The following EML5 variants were observed in gnomAD, a reference collection of about 807,000 sequenced individuals.
EML5 encodes the protein EMAP like 5.
EML5 carries 120 observed loss-of-function variants against 250.0 expected under a neutral mutation model. That is an observed-to-expected ratio of 0.48 (90% confidence interval 0.41 to 0.56). The LOEUF (loss-of-function observed/expected upper bound fraction) is 0.56, where lower values mean the gene tolerates loss of function less well. EML5 is among the 20% of genes least tolerant of loss of function. The probability of loss-of-function intolerance (pLI) is 0.00; values close to 1 mark genes in which losing one functional copy is unlikely to be tolerated. For synonymous variants in EML5, 771 were observed against 806.5 expected (o/e 0.96, Z 0.75); for missense variants, 2,006 against 2,437.6 (o/e 0.82, Z 3.73).
At chr14:88,701,061 A>G (rs916733860) in intron 14 of EML5, among the ~76,000 whole-genome samples, 10 of 152,034 alleles carry the variant, frequency 6.6e-5, no homozygotes, top group African/African-American at 1.7e-4. Context: ...CATCATCTCT[A>G]TGAGGGTTTC....
chr14:88,677,593 A>T (rs1872538916), intron 21 of EML5, among the ~76,000 whole-genome samples: 1 of 152,244 alleles, frequency 6.6e-6, no homozygotes, highest in African/African-American at 2.4e-5. Context: ...CAAGGAACTT[A>T]AACAAATTCA....
chr14:88,704,879 G>A lies in EML5; in HGVS notation c.2032C>T (p.Arg678Ter), dbSNP rs762453622. 3.7e-6 allele frequency: 6 copies of A among 1,612,510 alleles called. No homozygotes were observed. Among genetic ancestry groups the A allele is most frequent in the East Asian group, 2.2e-5 (1 of 44,772 alleles). ...TTATACCCGTGAACAAAGTGTAATC[G>A]AATACTATTTCCTGGAGCCCGCTCT... is the stretch of plus-strand genomic sequence containing the variant. ...RRERAPGNSI[R>*]LHFVHGYRGY... The change falls in exon 13 of 44, where the codon CGA becomes TGA. Residue 678 changes from arginine to a stop codon, truncating the protein, a stop_gained. Coordinates refer to ENST00000554922, the MANE Select transcript of EML5 (RefSeq NM_183387.3). LOFTEE classifies it high-confidence loss of function.
chr14:88,729,404 T>C (rs1483646065), intron 7 of EML5, among the ~76,000 whole-genome samples: 4 of 152,226 alleles, frequency 2.6e-5, no homozygotes, highest in Non-Finnish European at 4.4e-5. Flanking sequence ...CTGCCTATTT[T>C]TGTACAGTCT....
chr14:88,638,558 C>T (rs2090869371), intron 32 of EML5, among the ~76,000 whole-genome samples: 1 of 152,138 alleles, frequency 6.6e-6, no homozygotes, highest in Admixed American at 6.5e-5. Context: ...GGACTAAATC[C>T]AACTATTTCA....
chr14:88,762,509 T>C (rs1389435159), intron 1 of EML5, among the ~76,000 whole-genome samples: 3 of 150,974 alleles, frequency 2.0e-5, no homozygotes, highest in Non-Finnish European at 4.4e-5. Context: ...AAACTCCATC[T>C]CGGGGGAAAA....
At chr14:88,753,577 G>C (rs1168881031) in intron 2 of EML5, among the ~76,000 whole-genome samples, 1 of 152,110 alleles carries the variant, frequency 6.6e-6, no homozygotes, top group Non-Finnish European at 1.5e-5. Context: ...CAACCTGCAA[G>C]ATCCAACTTT....
At chr14:88,661,468 TAATG>T (rs1381522708) in intron 25 of EML5, among the ~76,000 whole-genome samples, 182 bp downstream of exon 25, 1 of 149,770 alleles carries the variant, frequency 6.7e-6, no homozygotes, top group African/African-American at 2.4e-5. Flanking sequence ...ATATATAACT[TAATG>T]TATGGGATTA....
chr14:88,734,609 C>A (rs546808681), intron 7 of EML5, among the ~76,000 whole-genome samples: 16 of 152,038 alleles, frequency 1.1e-4, no homozygotes, highest in African/African-American at 3.9e-4. Context: ...CTAATCTAGA[C>A]GATAATCATC....
At chr14:88,740,220 T>C (rs1264772946) in intron 5 of EML5, among the ~76,000 whole-genome samples, 167 bp downstream of exon 5, 3 of 152,342 alleles carry the variant, frequency 2.0e-5, no homozygotes, top group East Asian at 1.9e-4. Context: ...ATGAGTCTAA[T>C]TGATTTCTTC....
At position 88,665,502 on chromosome 14, in the gene EML5, G is replaced by A. The variant is rs776712554; in HGVS notation, c.3125-13C>T. 8.1e-6 allele frequency: 13 copies of A among 1,613,136 alleles called. No individual in the cohort carries two copies. The highest frequency in any genetic ancestry group is 1.3e-5 in the African/African-American group (1 of 74,812). On this transcript the variant is annotated splice_polypyrimidine_tract_variant and intron_variant, in intron 21 of 43. Transcript: ENST00000554922. Reference sequence around the variant, plus strand: ...CAACACCTCCCACCTGAAAGAGAAAGAGCATATTAGGCAATTTTCCCTTTT... The same window carrying A: ...CAACACCTCCCACCTGAAAGAGAAAAAGCATATTAGGCAATTTTCCCTTTT...
At chr14:88,696,254 T>A (rs1270299136) in intron 15 of EML5, among the ~76,000 whole-genome samples, 1 of 152,084 alleles carries the variant, frequency 6.6e-6, no homozygotes, top group Admixed American at 6.5e-5. Flanking sequence ...TAATTCACTG[T>A]TTCTTAATAT....
intron 17 of EML5, among the ~76,000 whole-genome samples, chr14:88,692,542 T>C (rs937257108): frequency 2.3e-4 from 35 of 152,192 alleles, no homozygotes. Context: ...AGGATGTGCA[T>C]AAATTATATG....
intron 9 of EML5, among the ~76,000 whole-genome samples, chr14:88,712,940 T>C (rs1273317139): frequency 1.3e-5 from 2 of 152,260 alleles, no homozygotes; most frequent in East Asian, 3.9e-4. Context: ...TATATTTACA[T>C]TAGGTAAGAG....
chr14:88,621,379 A>G (rs2088891032), intron 37 of EML5, 78 bp from the exon 38 acceptor site: 3 of 1,553,408 alleles, frequency 1.9e-6, no homozygotes, highest in Non-Finnish European at 2.6e-6. Flanking sequence ...AAATGACCCT[A>G]TTGACCTGCT....
At chr14:88,768,448 T>C (rs2094348203) in intron 1 of EML5, among the ~76,000 whole-genome samples, 1 of 151,970 alleles carries the variant, frequency 6.6e-6, no homozygotes, top group African/African-American at 2.4e-5. Flanking sequence ...TTTCGCTCTG[T>C]CACCCAGGCT....
chr14:88,715,193 T>C lies in EML5; in HGVS notation c.1190A>G (p.Asp397Gly), dbSNP rs1389333200. The change falls in exon 9 of 44, where the codon GAT (aspartate) becomes GGT (glycine). Residue 397 changes from aspartate to glycine, a missense_variant and splice_region_variant. By Grantham distance (94) the Asp-to-Gly change is moderately conservative. Transcript: ENST00000554922. ...DGSFTVLRVR[D>G]MTEVVHIKDR... ...TTTAATATGTACAACTTCCGTCATA[T>C]CTCTGTTAAAAAGAAAAAAATGAGA... 6.3e-7 allele frequency: 1 copy of C among 1,581,398 alleles called. No homozygotes were observed. The highest frequency in any genetic ancestry group is 1.3e-5 in the African/African-American group (1 of 74,200).
rs751797561 is a variant in EML5 at position 88,618,631 on chromosome 14, T to G, written c.5538+19A>C. 5 of 1,599,274 alleles carry G rather than the reference T, an allele frequency of 3.1e-6. No individual in the cohort carries two copies. In the African/African-American group the frequency reaches 5.4e-5, roughly 17 times the overall value. ...AGCAGAAGAACTTGCCACCTGGGTA[T>G]ACAGTATTGGTACTGTACCTGGAGA... On this transcript the variant is annotated intron_variant, in intron 40 of 43. Coordinates refer to ENST00000554922, the MANE Select transcript of EML5 (RefSeq NM_183387.3).
At chr14:88,683,405 T>C (rs925431559) in intron 20 of EML5, among the ~76,000 whole-genome samples, 3 of 152,186 alleles carry the variant, frequency 2.0e-5, no homozygotes, top group African/African-American at 7.2e-5. Flanking sequence ...TAGAGCAATA[T>C]GCTACCAATT....
At chr14:88,638,708 A>G (rs1369923308) in intron 32 of EML5, 101 bp downstream of exon 32, 10 of 1,011,350 alleles carry the variant, frequency 9.9e-6, no homozygotes, top group Admixed American at 2.5e-5. Flanking sequence ...ATTTTGAACA[A>G]TCGATAAATC....
Sources: gnomAD v4.1 joint callset for allele counts (sites outside exome capture counted in the v4.1 genomes callset) on GRCh38, gnomAD v4.1.1 for gene constraint, MANE v1.5 for transcripts, NCBI Gene and HGNC (gene_info 2026-07-23, HGNC 2026-07-21) for gene names.